The following CNST variants were observed in gnomAD, a reference collection of about 807,000 sequenced individuals.
CNST encodes consortin, connexin sorting protein.
CNST carries 39 observed loss-of-function variants against 72.4 expected under a neutral mutation model. That is an observed-to-expected ratio of 0.54 (90% confidence interval 0.42 to 0.70). The LOEUF (loss-of-function observed/expected upper bound fraction) is 0.70, where lower values mean the gene tolerates loss of function less well. CNST is among the 30% of genes least tolerant of loss of function. CNST has a pLI of 0.00. For synonymous variants in CNST, 332 were observed against 320.1 expected, an observed-to-expected ratio of 1.04 and a Z score of -0.40; for missense variants, 871 against 868.5, an observed-to-expected ratio of 1.00 and a Z score of -0.04.
chr1:246,648,062 A>G (rs1329742968), intron 9 of CNST, 25 bp downstream of exon 9: 5 of 1,569,922 alleles, frequency 3.2e-6, no homozygotes, highest in East Asian at 2.3e-5. Flanking sequence ...AAGTACAATT[A>G]AAAGTAAAAT....
intron 1 of CNST, among the ~76,000 whole-genome samples, chr1:246,568,001 TA>T (rs371522474): frequency 4.7e-4 from 72 of 151,800 alleles, no homozygotes; most frequent in African/African-American, 1.7e-3. Flanking sequence ...TCTGACTTTT[TA>T]AAAAAAACAC....
intron 3 of CNST, among the ~76,000 whole-genome samples, chr1:246,624,444 G>T (rs1283164211): frequency 6.6e-6 from 1 of 152,236 alleles, no homozygotes; most frequent in East Asian, 1.9e-4. Context: ...CTTAACATAT[G>T]TTTGACGTAC....
rs1016954531 is a variant in CNST, at chr1:246,667,954, G to A, written c.*2049G>A. The A allele has an allele frequency of 2.0e-5, 3 of 152,216 alleles. No individual in the cohort carries two copies. Among genetic ancestry groups the A allele is most frequent in the Non-Finnish European group, 4.4e-5 (3 of 68,046 alleles). The allele number at this position is 152,216 out of a possible 1,614,324, so 9.4% of individuals were successfully genotyped here. A position where few individuals can be genotyped will look rare whatever the true frequency, so the allele number is the denominator to read the frequency against. ...CCAACATCTCCTGGGGACCTTCGCA[G>A]CAAGAGGAAAGCACTGAGACAATAG... On this transcript the variant is annotated 3_prime_UTR_variant, in exon 11 of 11. Transcript: ENST00000366513.
At chr1:246,648,324 C>A (rs541488819) in intron 9 of CNST, 5 of 763,122 alleles carry the variant, frequency 6.6e-6, no homozygotes, top group African/African-American at 5.6e-5. Flanking sequence ...TGTTATGTGG[C>A]AGTTCCAGAT....
At chr1:246,657,668 A>G (rs1034836296) in intron 9 of CNST, among the ~76,000 whole-genome samples, 6 of 152,144 alleles carry the variant, frequency 3.9e-5, no homozygotes, top group Admixed American at 1.3e-4. Context: ...TGTATCCCTT[A>G]GTGTTGACTT....
intron 1 of CNST, among the ~76,000 whole-genome samples, chr1:246,586,109 ATATGTGTGTG>A (rs1163956105): frequency 7.4e-5 from 9 of 122,202 alleles, no homozygotes; most frequent in East Asian, 2.2e-4. Flanking sequence ...ATATATATAT[ATATGTGTGTG>A]TGTGTGTGTG....
intron 6 of CNST, 91 bp from the exon 7 acceptor site, chr1:246,641,657 AT>A (rs1359230880): frequency 8.0e-6 from 6 of 746,050 alleles, no homozygotes; most frequent in Non-Finnish European, 1.4e-5. Context: ...GAGAAGCTGT[AT>A]TTTTTTATAG....
chr1:246,659,861 G>A (rs1666989774), intron 9 of CNST, among the ~76,000 whole-genome samples: 4 of 152,228 alleles, frequency 2.6e-5, no homozygotes, highest in Admixed American at 2.6e-4. Flanking sequence ...ACGAAGCAAA[G>A]AGGGGACTGT....
chr1:246,579,366 T>TA (rs1660645691), intron 1 of CNST, among the ~76,000 whole-genome samples: 1 of 152,204 alleles, frequency 6.6e-6, no homozygotes, highest in South Asian at 2.1e-4. Flanking sequence ...ACTACCTTAT[T>TA]ATAAGCTCTT....
chr1:246,626,359 TAAACACTGGGATGCGTCAGAG>T, intron 3 of CNST, among the ~76,000 whole-genome samples: 1 of 151,972 alleles, frequency 6.6e-6, no homozygotes, highest in East Asian at 1.9e-4. Flanking sequence ...CCCTAATTTT[TAAACACTGGGATGCGTCAGAG>T]TTCAGTTCTT....
At chr1:246,639,973 C>A (rs1311483681) in intron 6 of CNST, among the ~76,000 whole-genome samples, 1 of 152,222 alleles carries the variant, frequency 6.6e-6, no homozygotes, top group Non-Finnish European at 1.5e-5. Context: ...GGCCAGCCCT[C>A]TTCCTGCTTC....
intron 6 of CNST, among the ~76,000 whole-genome samples, chr1:246,639,316 C>T (rs1022238588): frequency 1.3e-5 from 2 of 151,942 alleles, no homozygotes; most frequent in African/African-American, 4.8e-5. Flanking sequence ...ATGGAGAGGG[C>T]CTTTAGTAGC....
chr1:246,641,653 C>G, intron 6 of CNST, 96 bp from the exon 7 acceptor site: 1 of 717,936 alleles, frequency 1.4e-6, no homozygotes, highest in East Asian at 2.5e-5. Context: ...TCCAGAGAAG[C>G]TGTATTTTTT....
intron 2 of CNST, among the ~76,000 whole-genome samples, chr1:246,610,102 G>C (rs577025386): frequency 7.2e-5 from 11 of 152,200 alleles, no homozygotes; most frequent in Admixed American, 3.3e-4. Context: ...TCAAGATGGT[G>C]AAACCCCATC....
chr1:246,574,764 G>C (rs1385366759), intron 1 of CNST, among the ~76,000 whole-genome samples: 1 of 152,072 alleles, frequency 6.6e-6, no homozygotes, highest in African/African-American at 2.4e-5. Context: ...ACTCAAAAAA[G>C]GACAACAACC....
intron 3 of CNST, among the ~76,000 whole-genome samples, chr1:246,624,520 T>C (rs989186717): frequency 1.3e-5 from 2 of 152,218 alleles, no homozygotes; most frequent in African/African-American, 4.8e-5. Flanking sequence ...CAGAGATTGC[T>C]CATTGGAAAT....
At position 246,667,948 on chromosome 1, in the gene CNST, T is replaced by G. The variant is rs1050278887; in HGVS notation, c.*2043T>G. The G allele has an allele frequency of 5.3e-5, 8 of 152,182 alleles. No homozygotes were observed. Among genetic ancestry groups the G allele is most frequent in the African/African-American group, 1.9e-4 (8 of 41,442 alleles). The allele number at this position is 152,182 out of a possible 1,614,324, so 9.4% of individuals were successfully genotyped here. A position where few individuals can be genotyped will look rare whatever the true frequency, so the allele number is the denominator to read the frequency against. ...CTGAACCCAACATCTCCTGGGGACC[T>G]TCGCAGCAAGAGGAAAGCACTGAGA... On this transcript the variant is annotated 3_prime_UTR_variant, in exon 11 of 11. Transcript: ENST00000366513.
Position 246,666,059 on chromosome 1 carries a change from A to G in CNST, c.*154A>G, listed in dbSNP as rs1667378299. ...CAACTTTAAGTGGCAAGCCGGAGGA[A>G]CTCTGTTAGAATAATCCACACAGTG... On this transcript the variant is annotated 3_prime_UTR_variant, in exon 11 of 11. Coordinates refer to ENST00000366513, the MANE Select transcript of CNST (RefSeq NM_152609.3). The G allele has an allele frequency of 1.7e-6, 1 of 602,130 alleles. No homozygotes were observed. The highest frequency in any genetic ancestry group is 1.9e-5 in the African/African-American group (1 of 53,906). 37.3% of individuals were successfully genotyped at this position (602,130 alleles called of 1,614,324 possible). A position where few individuals can be genotyped will look rare whatever the true frequency, so the allele number is the denominator to read the frequency against.
At chr1:246,626,752 C>G (rs112766177) in intron 3 of CNST, among the ~76,000 whole-genome samples, 8 of 152,068 alleles carry the variant, frequency 5.3e-5, no homozygotes, top group Non-Finnish European at 1.0e-4. Flanking sequence ...CCACTGTGCC[C>G]GGCCTGTCCT....
Sources: allele counts gnomAD v4.1 joint callset (sites outside exome capture counted in the v4.1 genomes callset), GRCh38; gene constraint gnomAD v4.1.1; transcripts MANE v1.5; gene names NCBI Gene and HGNC (gene_info 2026-07-23, HGNC 2026-07-21).